The following PELP1 variants were observed in gnomAD, a reference collection of about 807,000 sequenced individuals.
PELP1 encodes the protein proline, glutamate and leucine rich protein 1.
PELP1 carries 32 observed loss-of-function variants against 95.5 expected under a neutral mutation model. The observed-to-expected ratio is 0.34, with a 90% CI of 0.25 to 0.45. The LOEUF (loss-of-function observed/expected upper bound fraction) is 0.45. Ranked by LOEUF, PELP1 falls within the 20% of genes least tolerant of loss-of-function variation. The probability of loss-of-function intolerance (pLI) is 1.00; values close to 1 mark genes in which losing one functional copy is unlikely to be tolerated. For missense variants in PELP1, 1,358 were observed against 1,444.8 expected (o/e 0.94, Z 0.97); for synonymous variants, 668 against 600.1 (o/e 1.11, Z -1.65).
rs766714955 is a variant in PELP1 at position 4,672,516 on chromosome 17, CGCT to C, written c.2472_2474del (p.Ala825del). On this transcript the variant is annotated inframe_deletion, in exon 16 of 17. Transcript: ENST00000572293. ...CAGGAAGTTCTTCAGGCTCCTCCTT[CGCT>C]GGCACAGGAGGGGAGGCTGTTGGTG... 1 of 1,475,412 alleles carries C rather than the reference CGCT, an allele frequency of 6.8e-7. No homozygotes were observed. The highest frequency in any genetic ancestry group is 9.1e-7 in the Non-Finnish European group (1 of 1,100,908). The allele number at this position is 1,475,412 out of a possible 1,614,324, so 91.4% of individuals were successfully genotyped here. A position where few individuals can be genotyped will look rare whatever the true frequency, so the allele number is the denominator to read the frequency against.
In PELP1 at chr17:4,700,263, G is replaced by A. The variant is rs559721252; in HGVS notation, c.249+3600C>T. Among the ~76,000 whole-genome samples, 71 of 152,260 alleles carry A rather than the reference G, an allele frequency of 4.7e-4. 1 individual carries two copies. The East Asian group carries it at 0.013, about 27-fold the overall frequency. ...AATGATCCAACAAAAAGAGAGGCCA[G>A]GTGCAGTGGCTCATCCCTGTAATCC... On this transcript the variant is annotated intron_variant, in intron 1 of 16. Coordinates refer to ENST00000572293, the MANE Select transcript of PELP1 (RefSeq NM_014389.3).
intron 5 of PELP1, among the ~76,000 whole-genome samples, chr17:4,677,558 TC>T (rs1194213754): frequency 6.6e-6 from 1 of 152,226 alleles, no homozygotes; most frequent in Non-Finnish European, 1.5e-5. Context: ...TCCTGAAATA[TC>T]ATTCACATGC....
At chr17:4,688,472 A>T (rs185632449) in intron 3 of PELP1, among the ~76,000 whole-genome samples, 1 of 152,188 alleles carries the variant, frequency 6.6e-6, no homozygotes, top group Non-Finnish European at 1.5e-5. Context: ...AAGCTCCTAG[A>T]TCCAATAAAT....
At chr17:4,697,939 G>A (rs1463034585) in intron 1 of PELP1, among the ~76,000 whole-genome samples, 1 of 149,686 alleles carries the variant, frequency 6.7e-6, no homozygotes, top group Non-Finnish European at 1.5e-5. Flanking sequence ...AAATCTGGCA[G>A]AGACCTGCTT....
chr17:4,700,851 G>A (rs1913495436), intron 1 of PELP1, among the ~76,000 whole-genome samples: 1 of 151,336 alleles, frequency 6.6e-6, no homozygotes, highest in Non-Finnish European at 1.5e-5. Flanking sequence ...CTTGAACCTG[G>A]GAGGTTGAGG....
chr17:4,677,278 G>A lies in PELP1; in HGVS notation c.643-466C>T, dbSNP rs1407501827. Among the ~76,000 whole-genome samples the A allele has an allele frequency of 2.6e-5, 4 of 152,310 alleles. No homozygotes were observed. In the East Asian group the frequency reaches 7.7e-4, roughly 29 times the overall value. On this transcript the variant is annotated intron_variant, in intron 5 of 16. Coordinates refer to ENST00000572293, the MANE Select transcript of PELP1 (RefSeq NM_014389.3). ...CAGAAGTAAGGCAGCAAGTCTCGGAGTAGCAATCTGTCATTCGGCACTTTC... is the reference window on the plus strand; with the variant it reads ...CAGAAGTAAGGCAGCAAGTCTCGGAATAGCAATCTGTCATTCGGCACTTTC...
Position 4,672,438 on chromosome 17 carries a change from AC to A in PELP1, c.2552del (p.Gly851ValfsTer3). On this transcript the variant is annotated frameshift_variant, in exon 16 of 17. Coordinates refer to ENST00000572293, the MANE Select transcript of PELP1 (RefSeq NM_014389.3). LOFTEE classifies it high-confidence loss of function. ...ACTGGGGTGGAGGGAGCGTCACAGG[AC>A]CAGGAACAGGCGGCGGCGGAGGTGG... ...PPPPPPPPVP[G>X]PVTLPPPQLV... 1 of 1,570,490 alleles carries A rather than the reference AC, an allele frequency of 6.4e-7. No homozygotes were observed. Among genetic ancestry groups the A allele is most frequent in the Non-Finnish European group, 8.6e-7 (1 of 1,158,092 alleles).
Position 4,671,380 on chromosome 17 carries a change from G to A in PELP1, c.*59C>T. ...CCAGGTGTGGCAAAAGGCAGAAGCA[G>A]CAGTCGCTATCTAAGGACATAACTT... is the stretch of plus-strand genomic sequence containing the variant. On this transcript the variant is annotated 3_prime_UTR_variant, in exon 17 of 17. Coordinates refer to ENST00000572293, the MANE Select transcript of PELP1 (RefSeq NM_014389.3). 3.1e-6 allele frequency: 3 copies of A among 953,658 alleles called. No individual in the cohort carries two copies. The highest frequency in any genetic ancestry group is 3.4e-6 in the Non-Finnish European group (2 of 583,210). The allele number at this position is 953,658 out of a possible 1,614,324, so 59.1% of individuals were successfully genotyped here.
intron 1 of PELP1, among the ~76,000 whole-genome samples, chr17:4,698,125 G>C (rs1241848183): frequency 6.7e-6 from 1 of 149,724 alleles, no homozygotes; most frequent in Non-Finnish European, 1.5e-5. Flanking sequence ...TGAATCTCAT[G>C]CTGGGATAAC....
intron 3 of PELP1, among the ~76,000 whole-genome samples, chr17:4,683,383 A>C (rs7226164): frequency 1.3e-5 from 2 of 151,624 alleles, no homozygotes; most frequent in Non-Finnish European, 2.9e-5. Flanking sequence ...ACCACGCCTG[A>C]CTAATTTTTT....
At chr17:4,689,228 C>T (rs1189883121) in intron 3 of PELP1, among the ~76,000 whole-genome samples, 1 of 152,126 alleles carries the variant, frequency 6.6e-6, no homozygotes, top group African/African-American at 2.4e-5. Flanking sequence ...GACCTGAAAC[C>T]ATAACAATTC....
At position 4,675,464 on chromosome 17, in the gene PELP1, G is replaced by C. The variant is rs774636071; in HGVS notation, c.1069-102C>G. On this transcript the variant is annotated intron_variant, in intron 9 of 16. Transcript: ENST00000572293. The surrounding 1 kb of genome is among the most constrained non-coding windows in gnomAD (Gnocchi z 4.3). Reference sequence around the variant, plus strand: ...CATTTACATATGTACACATAGGTAAGAAACCCAACCCCTGATCTCAGCTCT... The same window carrying C: ...CATTTACATATGTACACATAGGTAACAAACCCAACCCCTGATCTCAGCTCT... 1.9e-5 allele frequency: 15 copies of C among 788,436 alleles called. No homozygotes were observed. Among genetic ancestry groups the C allele is most frequent in the Non-Finnish European group, 3.0e-5 (14 of 462,494 alleles). 48.8% of individuals were successfully genotyped at this position (788,436 alleles called of 1,614,324 possible). A position where few individuals can be genotyped will look rare whatever the true frequency, so the allele number is the denominator to read the frequency against.
chr17:4,692,593 A>G (rs1913151219), intron 1 of PELP1, among the ~76,000 whole-genome samples: 1 of 152,210 alleles, frequency 6.6e-6, no homozygotes, highest in Non-Finnish European at 1.5e-5. Context: ...AATACATAGT[A>G]TATCAGAGGG....
intron 1 of PELP1, chr17:4,696,568 G>A (rs1913305673): frequency 6.6e-6 from 1 of 152,158 alleles, no homozygotes; most frequent in Non-Finnish European, 1.5e-5. Context: ...GCGCACAGGA[G>A]TGACAATATC....
chr17:4,675,941 C>T lies in PELP1; in HGVS notation c.981-57G>A. The T allele has an allele frequency of 1.3e-6, 2 of 1,587,198 alleles. No homozygotes were observed. The highest frequency in any genetic ancestry group is 8.6e-7 in the Non-Finnish European group (1 of 1,162,870). On this transcript the variant is annotated intron_variant, in intron 8 of 16. Transcript: ENST00000572293. The surrounding 1 kb of genome is among the most constrained non-coding windows in gnomAD (Gnocchi z 4.3). ...AGCAGGCTCCCTGGCATAACTCCCA[C>T]ACCCACCTTCATCTCCTTTCTCCTG...
At chr17:4,679,672 C>T (rs1213910018) in intron 5 of PELP1, among the ~76,000 whole-genome samples, 2 of 152,140 alleles carry the variant, frequency 1.3e-5, no homozygotes, top group African/African-American at 4.8e-5. Context: ...ACAAGATAAC[C>T]AGTTTTTACT....
intron 1 of PELP1, among the ~76,000 whole-genome samples, chr17:4,696,193 A>G (rs1913289906): frequency 6.6e-6 from 1 of 152,064 alleles, no homozygotes; most frequent in Non-Finnish European, 1.5e-5. Flanking sequence ...TTAGCCGAAC[A>G]TGGTGGAGGG....
In PELP1 at chr17:4,672,097, A is replaced by C; in HGVS notation, c.2894T>G (p.Phe965Cys). The change falls in exon 16 of 17, where the codon TTT (phenylalanine) becomes TGT (cysteine). Residue 965 changes from phenylalanine to cysteine, a missense_variant. This residue lies in a region of PELP1 where 283 missense variants were observed against 284.1 expected (regional missense o/e 1.00). Coordinates refer to ENST00000572293, the MANE Select transcript of PELP1 (RefSeq NM_014389.3). ...TTCTACCTCCCCTCCTGCTGTGCCA[A>C]ACTCCAGGTCTTCCACCTCTTCCAG... ...EELEEVEDLEFGTAGGEVEEG... is the reference protein window; with the variant it reads ...EELEEVEDLECGTAGGEVEEG... 6.4e-7 allele frequency: 1 copy of C among 1,554,250 alleles called. No individual in the cohort carries two copies.
intron 3 of PELP1, among the ~76,000 whole-genome samples, chr17:4,687,709 C>T (rs1475799018): frequency 6.6e-6 from 1 of 152,064 alleles, no homozygotes; most frequent in Non-Finnish European, 1.5e-5. Flanking sequence ...ATAGAAAAAG[C>T]GCTAGACTCT....
Sources: allele counts gnomAD v4.1 joint callset (sites outside exome capture counted in the v4.1 genomes callset), GRCh38; gene constraint gnomAD v4.1.1; regional missense constraint gnomAD v4.1.1; non-coding constraint Gnocchi (gnomAD v3.1); transcripts MANE v1.5; gene names NCBI Gene and HGNC (gene_info 2026-07-23, HGNC 2026-07-21).